Variants in TFCP2 observed in about 807,000 individuals in gnomAD.
TFCP2 encodes the protein alpha-globin transcription factor CP2.
Under a neutral mutation model 73.4 loss-of-function variants are expected in TFCP2, and 33 were observed. The observed-to-expected ratio is 0.45, with a 90% CI of 0.34 to 0.60. The LOEUF (loss-of-function observed/expected upper bound fraction) is 0.60, where lower values mean the gene tolerates loss of function less well. TFCP2 is among the 20% of genes least tolerant of loss of function. The pLI is 0.01. For missense variants in TFCP2, 352 were observed against 604.0 expected (o/e 0.58, Z 4.37); for synonymous variants, 193 against 211.6 (o/e 0.91, Z 0.76).
chr12:51,135,841 G>A (rs907721544), intron 1 of TFCP2, among the ~76,000 whole-genome samples: 2 of 151,948 alleles, frequency 1.3e-5, no homozygotes, highest in East Asian at 1.9e-4. Flanking sequence ...AATTTGTTCC[G>A]GTCTACACAT....
At chr12:51,096,962 A>AG (rs1939979447) in intron 13 of TFCP2, among the ~76,000 whole-genome samples, 1 of 150,938 alleles carries the variant, frequency 6.6e-6, no homozygotes, top group African/African-American at 2.4e-5. Context: ...ATTTTTTCTT[A>AG]ATTTTTTTTT....
At chr12:51,106,698 C>T (rs1228155620) in intron 7 of TFCP2, 85 bp from the exon 8 acceptor site, 2 of 1,009,844 alleles carry the variant, frequency 2.0e-6, no homozygotes, top group African/African-American at 1.6e-5. Context: ...AATAGCACAT[C>T]TTGATTAGTA....
intron 1 of TFCP2, among the ~76,000 whole-genome samples, chr12:51,151,255 T>A (rs1941418130): frequency 6.6e-6 from 1 of 152,202 alleles, no homozygotes; most frequent in South Asian, 2.1e-4. Flanking sequence ...TTGACAGACC[T>A]GTGGCTTTTA....
At chr12:51,166,439 A>T (rs1017368146) in intron 1 of TFCP2, among the ~76,000 whole-genome samples, 1 of 152,166 alleles carries the variant, frequency 6.6e-6, no homozygotes, top group African/African-American at 2.4e-5. Context: ...GACATCTCTG[A>T]CTGTGGGTCA....
intron 1 of TFCP2, among the ~76,000 whole-genome samples, chr12:51,145,309 G>C (rs1592826041): frequency 6.6e-6 from 1 of 151,516 alleles, no homozygotes; most frequent in Non-Finnish European, 1.5e-5. Flanking sequence ...TTGAACCTGG[G>C]GGGTGGAAGT....
rs924162144 is a variant in TFCP2, at chr12:51,102,136, T to TA, written c.1061-112dup. The TA allele has an allele frequency of 1.2e-4, 89 of 763,402 alleles. No individual in the cohort carries two copies. The African/African-American group carries it at 1.4e-3, about 12-fold the overall frequency. The allele number at this position is 763,402 out of a possible 1,614,324, so 47.3% of individuals were successfully genotyped here. ...CTCATTACCAGAATGTTACAATCCA[T>TA]AATTTTCTTCATGGCATATAAGGCC... On this transcript the variant is annotated intron_variant, in intron 10 of 14. Coordinates refer to ENST00000257915, the MANE Select transcript of TFCP2 (RefSeq NM_005653.5).
At chr12:51,154,418 G>A (rs1168007740) in intron 1 of TFCP2, among the ~76,000 whole-genome samples, 1 of 152,212 alleles carries the variant, frequency 6.6e-6, no homozygotes, top group Non-Finnish European at 1.5e-5. Flanking sequence ...ATGTGGCTGG[G>A]CACAGTGGCT....
chr12:51,118,922 G>A (rs1243677638), intron 1 of TFCP2, 150 bp from the exon 2 acceptor site: 1 of 857,716 alleles, frequency 1.2e-6, no homozygotes, highest in East Asian at 2.6e-5. Flanking sequence ...TAGATTACCT[G>A]CTGTGATATC....
chr12:51,106,431 A>T, intron 8 of TFCP2, 94 bp downstream of exon 8: 1 of 886,304 alleles, frequency 1.1e-6, no homozygotes, highest in Non-Finnish European at 1.7e-6. Flanking sequence ...AAATAGATAT[A>T]CTTATTGATT....
chr12:51,118,509 G>C, intron 2 of TFCP2, 112 bp downstream of exon 2: 1 of 1,300,154 alleles, frequency 7.7e-7, no homozygotes, highest in South Asian at 1.5e-5. Context: ...GAGCCAAGAT[G>C]GCGCCACTAC....
intron 1 of TFCP2, among the ~76,000 whole-genome samples, chr12:51,121,791 T>A (rs182153410): frequency 4.6e-5 from 7 of 152,138 alleles, no homozygotes; most frequent in Admixed American, 3.3e-4. Context: ...ACATTCCCCA[T>A]GTTCAAAATG....
At chr12:51,153,398 CT>C (rs57780998) in intron 1 of TFCP2, among the ~76,000 whole-genome samples, 8,738 of 150,360 alleles carry the variant, frequency 0.058, 481 homozygotes, top group East Asian at 0.18. Context: ...ATCATTTAAC[CT>C]TTTTTTTTTT....
intron 1 of TFCP2, chr12:51,124,492 C>T: frequency 2.7e-6 from 1 of 365,782 alleles, no homozygotes; most frequent in Non-Finnish European, 5.4e-6. Context: ...TATGAAATTT[C>T]AGTGATTTCT....
intron 1 of TFCP2, among the ~76,000 whole-genome samples, chr12:51,140,448 T>TC (rs199798847): frequency 0.01 from 1,377 of 134,796 alleles, 6 homozygotes; most frequent in Non-Finnish European, 0.016. Context: ...TCTTTTTCTT[T>TC]TTTTTTTTTT....
At chr12:51,169,370 G>A (rs377456629) in intron 1 of TFCP2, among the ~76,000 whole-genome samples, 7 of 151,842 alleles carry the variant, frequency 4.6e-5, no homozygotes, top group East Asian at 3.9e-4. Flanking sequence ...GCATGATGGC[G>A]TGCGCCTGTA....
intron 11 of TFCP2, among the ~76,000 whole-genome samples, chr12:51,100,948 T>C (rs1940096267): frequency 6.6e-6 from 1 of 152,190 alleles, no homozygotes; most frequent in Admixed American, 6.5e-5. Context: ...CTATTTAAAA[T>C]TGTAAATCCC....
At chr12:51,138,267 G>A (rs114254658) in intron 1 of TFCP2, among the ~76,000 whole-genome samples, 2 of 151,862 alleles carry the variant, frequency 1.3e-5, no homozygotes, top group Admixed American at 6.6e-5. Context: ...TCGGCCTGTC[G>A]AGTAGCTGGG....
At chr12:51,147,530 G>A (rs949155520) in intron 1 of TFCP2, among the ~76,000 whole-genome samples, 1 of 75,358 alleles carries the variant, frequency 1.3e-5, no homozygotes, top group Admixed American at 1.2e-4. Flanking sequence ...AGGAAGAGGT[G>A]GGGGGGGAAA....
At chr12:51,135,152 C>A (rs1941033475) in intron 1 of TFCP2, among the ~76,000 whole-genome samples, 2 of 150,704 alleles carry the variant, frequency 1.3e-5, no homozygotes, top group South Asian at 4.2e-4. Flanking sequence ...CAGGGCCAGG[C>A]ACAGTGGCTC....
Sources: allele counts gnomAD v4.1 joint callset (sites outside exome capture counted in the v4.1 genomes callset), GRCh38; gene constraint gnomAD v4.1.1; transcripts MANE v1.5; gene names NCBI Gene and HGNC (gene_info 2026-07-23, HGNC 2026-07-21).